Variants in FAM149A observed in about 807,000 individuals in gnomAD.
FAM149A encodes the protein protein FAM149A.
A neutral mutation model predicts 78.2 loss-of-function variants in FAM149A; 71 were observed. That is an observed-to-expected ratio of 0.91 (90% CI 0.75 to 1.11). FAM149A has a LOEUF of 1.11. Among genes scored for constraint, FAM149A ranks in the 50% least tolerant of loss-of-function variants. FAM149A has a pLI of 0.00. For missense variants in FAM149A, 1,036 were observed against 971.0 expected, an observed-to-expected ratio of 1.07 and a Z score of -0.89; for synonymous variants, 446 against 410.5, an observed-to-expected ratio of 1.09 and a Z score of -1.04.
intron 13 of FAM149A, 200 bp downstream of exon 13, chr4:186,167,462 C>T (rs1171921958): frequency 1.8e-6 from 1 of 544,466 alleles, no homozygotes; most frequent in East Asian, 4.0e-5. Context: ...GCTGTGAGGT[C>T]AAGAAGAGGG....
chr4:186,163,551 A>G lies in FAM149A; in HGVS notation c.1807A>G (p.Arg603Gly), dbSNP rs1342119880. Residue 603 changes from arginine to glycine, a missense_variant, in exon 10 of 14, where the codon AGG becomes GGG. Physicochemically the swap from Arg to Gly is moderately radical, Grantham distance 125. Transcript: ENST00000389354. Reference sequence around the variant, plus strand: ...TGCAAAGAAAACACCAGTGCCCTGGAGGCTGCCTTCTCTTGCTTCAGATTC... The same window carrying G: ...TGCAAAGAAAACACCAGTGCCCTGGGGGCTGCCTTCTCTTGCTTCAGATTC... 3 of 1,614,154 alleles carry G rather than the reference A, an allele frequency of 1.9e-6. No homozygotes were observed. The highest frequency in any genetic ancestry group is 2.5e-6 in the Non-Finnish European group (3 of 1,180,002).
intron 1 of FAM149A, among the ~76,000 whole-genome samples, chr4:186,136,015 A>C (rs569120309): frequency 6.6e-6 from 1 of 152,338 alleles, no homozygotes; most frequent in African/African-American, 2.4e-5. Flanking sequence ...GCAGAGGGTG[A>C]ACCAGAGAAT....
chr4:186,139,685 A>G (rs917428092), intron 1 of FAM149A, among the ~76,000 whole-genome samples: 1 of 152,182 alleles, frequency 6.6e-6, no homozygotes, highest in Admixed American at 6.5e-5. Context: ...AGTCTATGGT[A>G]TTTTGTCATA....
intron 3 of FAM149A, among the ~76,000 whole-genome samples, chr4:186,150,318 G>A (rs1733380007): frequency 1.3e-5 from 2 of 150,404 alleles, no homozygotes; most frequent in African/African-American, 4.9e-5. Flanking sequence ...CCTGGCTGCA[G>A]CACCTTGGGT....
intron 4 of FAM149A, 182 bp from the exon 5 acceptor site, chr4:186,153,463 G>A: frequency 8.1e-6 from 8 of 985,240 alleles, no homozygotes; most frequent in Non-Finnish European, 9.6e-6. Context: ...CTGAGTCAGT[G>A]GAAGAACAGT....
intron 8 of FAM149A, chr4:186,158,009 C>A: frequency 6.8e-7 from 1 of 1,469,554 alleles, no homozygotes; most frequent in Non-Finnish European, 9.1e-7. Flanking sequence ...AGCAGTATAT[C>A]CACAAAAGGA....
chr4:186,108,164 AAAATCAGGAATTT>A (rs1481658984), intron 1 of FAM149A, among the ~76,000 whole-genome samples: 4 of 152,334 alleles, frequency 2.6e-5, no homozygotes, highest in Non-Finnish European at 5.9e-5. Flanking sequence ...GGTTAATATT[AAAATCAGGAATTT>A]AAATTTCAAA....
intron 1 of FAM149A, among the ~76,000 whole-genome samples, chr4:186,136,785 G>C (rs1300132396): frequency 6.6e-6 from 1 of 152,134 alleles, no homozygotes; most frequent in Non-Finnish European, 1.5e-5. Flanking sequence ...GCTGCAGGTG[G>C]GGTGCTCAAC....
intron 10 of FAM149A, 96 bp from the exon 11 acceptor site, chr4:186,165,248 C>T (rs753241221): frequency 4.8e-5 from 67 of 1,400,284 alleles, no homozygotes; most frequent in South Asian, 1.8e-4. Context: ...GTGCCCCTCA[C>T]GCAGAAACAT....
intron 1 of FAM149A, among the ~76,000 whole-genome samples, chr4:186,113,777 G>C (rs1354454971): frequency 6.6e-6 from 1 of 151,096 alleles, no homozygotes; most frequent in African/African-American, 2.4e-5. Context: ...TATAATCTCT[G>C]TTCTTTTACA....
At chr4:186,158,599 G>GCCCAGCCCGAGGCTGCAGA in intron 8 of FAM149A, 1 of 1,084,866 alleles carries the variant, frequency 9.2e-7, no homozygotes, top group Non-Finnish European at 1.1e-6. Context: ...GAGCATTGCC[G>GCCCAGCCCGAGGCTGCAGA]CCCAGCCCGA....
intron 11 of FAM149A, among the ~76,000 whole-genome samples, chr4:186,166,552 G>T (rs958664368): frequency 6.6e-6 from 1 of 151,090 alleles, no homozygotes; most frequent in African/African-American, 2.4e-5. Context: ...TCGGGAGACT[G>T]AGGCAGGAGA....
intron 1 of FAM149A, chr4:186,131,774 C>A: frequency 2.6e-6 from 1 of 385,336 alleles, no homozygotes; most frequent in Non-Finnish European, 3.6e-6. Flanking sequence ...TCATGCATCT[C>A]ATCCTCGAGG....
At chr4:186,151,585 T>C in intron 3 of FAM149A, 1 of 246,998 alleles carries the variant, frequency 4.0e-6, no homozygotes, top group Non-Finnish European at 6.5e-6. Context: ...CGTGTCTGTG[T>C]GTCTACGCTG....
chr4:186,158,626 C>T (rs1443591027), intron 8 of FAM149A: 4 of 1,090,160 alleles, frequency 3.7e-6, no homozygotes, highest in Non-Finnish European at 4.5e-6. Flanking sequence ...AGACCCAGCC[C>T]CTGCACACAC....
At chr4:186,150,576 C>T (rs1157724239) in intron 3 of FAM149A, among the ~76,000 whole-genome samples, 4 of 46,512 alleles carry the variant, frequency 8.6e-5, no homozygotes, top group Admixed American at 2.2e-4. Context: ...CCCACCACCA[C>T]GCCCGGCTAA....
At position 186,105,137 on chromosome 4, in the gene FAM149A, G is replaced by C; in HGVS notation, c.61G>C (p.Ala21Pro). Residue 21 changes from alanine (A) to proline (P), a missense_variant, in exon 1 of 14, where the codon GCG becomes CCG. Physicochemically the swap from Ala to Pro is conservative, Grantham distance 27. This residue lies in a region of FAM149A where 316 missense variants were observed against 241.9 expected (regional missense o/e 1.31). Transcript: ENST00000389354. ...GGCCAAACTCTTCGAGACCTCGACG[G>C]CGCCCCCCGCAGGCCCCTCCTCCAG... 7.8e-7 allele frequency: 1 copy of C among 1,280,308 alleles called. No homozygotes were observed. The highest frequency in any genetic ancestry group is 1.0e-6 in the Non-Finnish European group (1 of 984,954). 79.3% of individuals were successfully genotyped at this position (1,280,308 alleles called of 1,614,324 possible).
intron 5 of FAM149A, 46 bp downstream of exon 5, chr4:186,153,816 TTA>T: frequency 6.4e-7 from 1 of 1,556,320 alleles, no homozygotes. Context: ...TAGCTGTATT[TTA>T]GTTATACTTT....
chr4:186,133,264 A>G, intron 1 of FAM149A: 1 of 906,282 alleles, frequency 1.1e-6, no homozygotes, highest in Non-Finnish European at 1.3e-6. Flanking sequence ...TAAGTACCAC[A>G]TTCACAGTGT....
Sources: allele counts gnomAD v4.1 joint callset (sites outside exome capture counted in the v4.1 genomes callset), GRCh38; gene constraint gnomAD v4.1.1; regional missense constraint gnomAD v4.1.1; transcripts MANE v1.5; gene names NCBI Gene and HGNC (gene_info 2026-07-23, HGNC 2026-07-21).